The following FGGY variants were observed in gnomAD, a reference collection of about 807,000 sequenced individuals.
FGGY encodes the protein FGGY carbohydrate kinase domain containing, also known as FGGY carbohydrate kinase domain-containing protein.
FGGY carries 72 observed loss-of-function variants against 71.3 expected under a neutral mutation model. That is an observed-to-expected ratio of 1.01 (90% CI 0.84 to 1.23). FGGY has a LOEUF of 1.23. Ranked by LOEUF, FGGY falls within the 50% of genes most tolerant of loss-of-function variation. The probability of loss-of-function intolerance (pLI) is 0.00; values close to 1 mark genes in which losing one functional copy is unlikely to be tolerated. For missense variants in FGGY, 668 were observed against 682.3 expected, an observed-to-expected ratio of 0.98 and a Z score of 0.23; for synonymous variants, 251 against 250.3, an observed-to-expected ratio of 1.00 and a Z score of -0.02.
intron 1 of FGGY, among the ~76,000 whole-genome samples, chr1:59,318,231 G>A (rs2045795872): frequency 6.6e-6 from 1 of 152,214 alleles, no homozygotes; most frequent in Non-Finnish European, 1.5e-5. Flanking sequence ...ATTGTGGTCA[G>A]GCATTGTAAT....
rs903691167 is a variant in FGGY at position 59,697,771 on chromosome 1, A to G, written c.1512+23638A>G. 48 of 1,169,694 alleles carry G rather than the reference A, an allele frequency of 4.1e-5. No individual in the cohort carries two copies. The Admixed American group carries it at 5.2e-4, about 13-fold the overall frequency. The allele number at this position is 1,169,694 out of a possible 1,614,324, so 72.5% of individuals were successfully genotyped here. ...TGACACAAGAGGTAAACAGAATTGC[A>G]TGCTGTGCCCCTCCACATCACCCCC... On this transcript the variant is annotated intron_variant, in intron 14 of 15. Coordinates refer to ENST00000303721, the MANE Select transcript of FGGY (RefSeq NM_018291.5).
At chr1:59,322,726 G>C (rs1174162752) in intron 2 of FGGY, among the ~76,000 whole-genome samples, 1 of 152,148 alleles carries the variant, frequency 6.6e-6, no homozygotes, top group East Asian at 1.9e-4. Flanking sequence ...CTGCTGGCTT[G>C]GGAAGGAAAG....
At chr1:59,323,131 A>G (rs1316960487) in intron 2 of FGGY, among the ~76,000 whole-genome samples, 1 of 152,154 alleles carries the variant, frequency 6.6e-6, no homozygotes, top group African/African-American at 2.4e-5. Context: ...TTCAGCCCCC[A>G]ATCTGGTAAG....
chr1:59,432,812 C>G (rs994478254), intron 5 of FGGY, among the ~76,000 whole-genome samples: 2 of 152,122 alleles, frequency 1.3e-5, no homozygotes, highest in African/African-American at 4.8e-5. Flanking sequence ...TTTCCCATTC[C>G]TAGTTTCAGA....
chr1:59,526,036 CT>C (rs760571000), intron 7 of FGGY, among the ~76,000 whole-genome samples: 35 of 152,060 alleles, frequency 2.3e-4, no homozygotes, highest in Non-Finnish European at 4.3e-4. Flanking sequence ...TTGCATGCCC[CT>C]ATTTGTATGT....
intron 7 of FGGY, among the ~76,000 whole-genome samples, chr1:59,520,302 A>G (rs2094789122): frequency 6.6e-6 from 1 of 152,240 alleles, no homozygotes; most frequent in South Asian, 2.1e-4. Context: ...AGAAAATAAT[A>G]GAAGTGAAGC....
intron 8 of FGGY, among the ~76,000 whole-genome samples, chr1:59,604,575 G>A (rs1194278588): frequency 6.6e-6 from 1 of 152,222 alleles, no homozygotes; most frequent in African/African-American, 2.4e-5. Flanking sequence ...AGCTGATGCA[G>A]TAACATCCCC....
chr1:59,572,509 A>G (rs1328497225), intron 8 of FGGY, among the ~76,000 whole-genome samples: 1 of 152,192 alleles, frequency 6.6e-6, no homozygotes, highest in Non-Finnish European at 1.5e-5. Flanking sequence ...AGTGGATAAG[A>G]TAATTGAATT....
intron 11 of FGGY, chr1:59,641,462 G>A: frequency 1.2e-6 from 1 of 823,572 alleles, no homozygotes; most frequent in Non-Finnish European, 2.0e-6. Flanking sequence ...AAACAGAAAA[G>A]TACCTATCCT....
chr1:59,347,950 A>G (rs1391128916), intron 4 of FGGY, among the ~76,000 whole-genome samples: 1 of 152,222 alleles, frequency 6.6e-6, no homozygotes, highest in Non-Finnish European at 1.5e-5. Flanking sequence ...GCCAAAATTG[A>G]CAAATGGGAT....
intron 11 of FGGY, among the ~76,000 whole-genome samples, chr1:59,640,399 C>T (rs1415131882): frequency 6.6e-6 from 1 of 152,174 alleles, no homozygotes; most frequent in Non-Finnish European, 1.5e-5. Flanking sequence ...TGCCTATCTC[C>T]AGCACTCATT....
At position 59,672,150 on chromosome 1, in the gene FGGY, G is replaced by A. The variant is rs141420247; in HGVS notation, c.1418-1889G>A. On this transcript the variant is annotated intron_variant, in intron 13 of 15. Transcript: ENST00000303721. ...CGGCTTGCAGTGCTCTCTCCTGCTGGTGTCAGCACAGCCCTGTAGTGTGGC... is the reference window on the plus strand; with the variant it reads ...CGGCTTGCAGTGCTCTCTCCTGCTGATGTCAGCACAGCCCTGTAGTGTGGC... Among the ~76,000 whole-genome samples the A allele has an allele frequency of 3.3e-4, 51 of 152,330 alleles. 1 individual carries two copies. Among genetic ancestry groups the A allele is most frequent in the African/African-American group, 1.2e-3 (48 of 41,574 alleles).
At chr1:59,716,302 C>A (rs1182829723) in intron 14 of FGGY, among the ~76,000 whole-genome samples, 3 of 152,172 alleles carry the variant, frequency 2.0e-5, no homozygotes, top group African/African-American at 7.2e-5. Context: ...CCTCCTTTCC[C>A]AGTTTCCTAT....
chr1:59,564,482 T>A (rs2095844447), intron 8 of FGGY, among the ~76,000 whole-genome samples: 1 of 152,230 alleles, frequency 6.6e-6, no homozygotes, highest in Non-Finnish European at 1.5e-5. Context: ...GGGTGTGGCC[T>A]GGGCCTGGGG....
chr1:59,642,725 G>A (rs987248951), intron 11 of FGGY, among the ~76,000 whole-genome samples: 14 of 151,240 alleles, frequency 9.3e-5, no homozygotes, highest in African/African-American at 3.2e-4. Context: ...AAAAATAATG[G>A]CCCCTTAGAA....
chr1:59,427,809 A>G (rs557186702), intron 5 of FGGY, among the ~76,000 whole-genome samples: 1 of 152,312 alleles, frequency 6.6e-6, no homozygotes, highest in East Asian at 1.9e-4. Flanking sequence ...GTAACACTGC[A>G]TGAGGAGTTA....
chr1:59,693,290 C>T (rs1282264672), intron 14 of FGGY, among the ~76,000 whole-genome samples: 3 of 152,230 alleles, frequency 2.0e-5, no homozygotes, highest in Admixed American at 6.5e-5. Flanking sequence ...CATGCTCAGC[C>T]TCAGTTTTCT....
intron 14 of FGGY, among the ~76,000 whole-genome samples, chr1:59,729,925 C>T (rs2098003412): frequency 6.6e-6 from 1 of 152,076 alleles, no homozygotes; most frequent in Non-Finnish European, 1.5e-5. Flanking sequence ...TTATGGAGAA[C>T]TCTGTGTTAT....
At chr1:59,469,557 A>C (rs1207504910) in intron 6 of FGGY, among the ~76,000 whole-genome samples, 2 of 152,148 alleles carry the variant, frequency 1.3e-5, no homozygotes, top group Non-Finnish European at 1.5e-5. Context: ...AAATTTTAAC[A>C]TGACTTTTTG....
Sources: allele counts gnomAD v4.1 joint callset (sites outside exome capture counted in the v4.1 genomes callset), GRCh38; gene constraint gnomAD v4.1.1; transcripts MANE v1.5; gene names NCBI Gene and HGNC (gene_info 2026-07-23, HGNC 2026-07-21).